CFAP96: variants seen among roughly 807,000 people sequenced by gnomAD.
The protein encoded by CFAP96 is cilia-and flagella-associated protein 96.
chr4:185,443,087 A>C, the CFAP96 span, among the ~76,000 whole-genome samples: 5 of 151,898 alleles, frequency 3.3e-5, no homozygotes, highest in Non-Finnish European at 7.4e-5. Flanking sequence ...GCAGTTTAAT[A>C]GCATTAGAAA....
chr4:185,444,199 C>CA, the CFAP96 span, among the ~76,000 whole-genome samples: 2 of 149,646 alleles, frequency 1.3e-5, no homozygotes, highest in Non-Finnish European at 3.0e-5. Flanking sequence ...ATGATCCACC[C>CA]GCCTCGGCCT....
At chr4:185,415,701 AATACTT>A in the CFAP96 span, 1 of 1,604,114 alleles carries the variant, frequency 6.2e-7, no homozygotes, top group Non-Finnish European at 8.5e-7. Flanking sequence ...GTACTATAAA[AATACTT>A]ACTTTCCCCA....
chr4:185,447,611 T>A, the CFAP96 span, among the ~76,000 whole-genome samples: 3 of 152,224 alleles, frequency 2.0e-5, no homozygotes, highest in Non-Finnish European at 2.9e-5. Flanking sequence ...GCTGTGTGTA[T>A]TTCAGTGGCC....
At chr4:185,445,944 C>T in the CFAP96 span, among the ~76,000 whole-genome samples, 80 of 152,208 alleles carry the variant, frequency 5.3e-4, no homozygotes, top group African/African-American at 1.5e-3. Flanking sequence ...CAGGTTCAAG[C>T]GATTCTCCTG....
chr4:185,419,640 C>T, the CFAP96 span, among the ~76,000 whole-genome samples: 2 of 152,160 alleles, frequency 1.3e-5, no homozygotes, highest in Admixed American at 1.3e-4. Context: ...TATGGATTTG[C>T]CTGCTGTGGA....
the CFAP96 span, among the ~76,000 whole-genome samples, chr4:185,419,629 T>G: frequency 6.6e-6 from 1 of 152,266 alleles, no homozygotes; most frequent in Non-Finnish European, 1.5e-5. Flanking sequence ...ACTTTTTTCT[T>G]TATGGATTTG....
At chr4:185,425,976 A>G in the CFAP96 span, 1 of 1,290,526 alleles carries the variant, frequency 7.7e-7, no homozygotes. Context: ...CGGGCGGACC[A>G]ACTACAACTC....
the CFAP96 span, among the ~76,000 whole-genome samples, chr4:185,448,419 A>C: frequency 6.6e-6 from 1 of 152,090 alleles, no homozygotes; most frequent in Non-Finnish European, 1.5e-5. Context: ...CGTTTTTTGC[A>C]TATTTTATCT....
chr4:185,415,388 G>T, the CFAP96 span: 1 of 1,474,124 alleles, frequency 6.8e-7, no homozygotes. Context: ...AAAAGTTATA[G>T]TGACTACAAT....
the CFAP96 span, chr4:185,418,906 T>C: frequency 1.5e-6 from 1 of 669,196 alleles, no homozygotes; most frequent in South Asian, 3.2e-5. Context: ...TTCAAAATTT[T>C]TTGCCTATCT....
At chr4:185,409,861 C>T in the CFAP96 span, among the ~76,000 whole-genome samples, 9 of 151,954 alleles carry the variant, frequency 5.9e-5, no homozygotes, top group East Asian at 1.9e-4. Context: ...AGGCAGAGAT[C>T]GGAATGATGG....
At chr4:185,414,622 T>C in the CFAP96 span, among the ~76,000 whole-genome samples, 1 of 152,184 alleles carries the variant, frequency 6.6e-6, no homozygotes, top group East Asian at 1.9e-4. Flanking sequence ...CGAGTCCACA[T>C]ATCAAAAAGA....
the CFAP96 span, chr4:185,413,712 T>G: frequency 2.3e-5 from 36 of 1,596,262 alleles, no homozygotes; most frequent in Middle Eastern, 1.7e-4. Flanking sequence ...CCATAAATAA[T>G]TAGTTAAACT....
chr4:185,436,361 T>C, the CFAP96 span: 1 of 1,535,854 alleles, frequency 6.5e-7, no homozygotes, highest in Non-Finnish European at 8.8e-7. Flanking sequence ...AAGTATAAGG[T>C]AAAAAATCTG....
the CFAP96 span, among the ~76,000 whole-genome samples, chr4:185,428,339 C>T: frequency 1.3e-5 from 2 of 151,786 alleles, no homozygotes; most frequent in African/African-American, 2.4e-5. Context: ...TTTGGGAGGC[C>T]GAGGTGGGTG....
the CFAP96 span, among the ~76,000 whole-genome samples, chr4:185,437,499 G>A: frequency 4.6e-4 from 70 of 152,276 alleles, no homozygotes; most frequent in African/African-American, 1.7e-3. Flanking sequence ...GCAGGCTTTA[G>A]CAGTTTTGCT....
the CFAP96 span, among the ~76,000 whole-genome samples, chr4:185,435,421 A>T: frequency 6.6e-6 from 1 of 152,206 alleles, no homozygotes; most frequent in Non-Finnish European, 1.5e-5. Flanking sequence ...AGAATTAGAG[A>T]CTATGACTGT....
At chr4:185,421,331 T>G in the CFAP96 span, among the ~76,000 whole-genome samples, 1 of 152,194 alleles carries the variant, frequency 6.6e-6, no homozygotes, top group South Asian at 2.1e-4. Flanking sequence ...CTGATATAGT[T>G]TTGATGTCTG....
At chr4:185,413,796 T>C in the CFAP96 span, 1 of 1,613,466 alleles carries the variant, frequency 6.2e-7, no homozygotes, top group Non-Finnish European at 8.5e-7. Context: ...TTTGTATGGC[T>C]CATCTGGAAA....
Sources: allele counts gnomAD v4.1 joint callset (sites outside exome capture counted in the v4.1 genomes callset), GRCh38; gene constraint gnomAD v4.1.1; transcripts MANE v1.5; gene names NCBI Gene and HGNC (gene_info 2026-07-23, HGNC 2026-07-21).